The following AGBL1 variants were observed in gnomAD, a reference collection of about 807,000 sequenced individuals.
AGBL1 encodes cytosolic carboxypeptidase 4.
AGBL1 carries 130 observed loss-of-function variants against 118.9 expected under a neutral mutation model. The ratio of observed to expected loss-of-function variants is 1.09; its 90% CI spans 0.95 to 1.26. The LOEUF is 1.26. Ranked by LOEUF, AGBL1 falls within the 50% of genes most tolerant of loss-of-function variation. The pLI, the probability that AGBL1 is intolerant of heterozygous loss-of-function variation, is 0.00. For synonymous variants in AGBL1, 555 were observed against 478.9 expected, an observed-to-expected ratio of 1.16 and a Z score of -2.08; for missense variants, 1,584 against 1,298.1, an observed-to-expected ratio of 1.22 and a Z score of -3.38.
chr15:86,468,924 A>G (rs1180110345), intron 18 of AGBL1, among the ~76,000 whole-genome samples: 1 of 152,070 alleles, frequency 6.6e-6, no homozygotes, highest in Non-Finnish European at 1.5e-5. Flanking sequence ...CCTATGATTG[A>G]CTTTTTGTCT....
chr15:86,221,043 T>C (rs1231528184), intron 5 of AGBL1, among the ~76,000 whole-genome samples: 1 of 151,600 alleles, frequency 6.6e-6, no homozygotes, highest in Admixed American at 6.6e-5. Context: ...CTACTAAAAA[T>C]ACAAAAATTA....
rs200507511 is a variant in AGBL1, at chr15:86,222,944, T to C, written c.489-1970T>C. ...TTTCATGTGCATATAAATTATCTGT[T>C]AGAATAAAGATTCTTATTCAGCAGG... On this transcript the variant is annotated intron_variant, in intron 5 of 22. Coordinates refer to ENST00000614907, the MANE Select transcript of AGBL1 (RefSeq NM_001386094.1). Among the ~76,000 whole-genome samples the C allele has an allele frequency of 7.2e-5, 11 of 152,276 alleles. No homozygotes were observed. In the East Asian group the frequency reaches 1.2e-3, roughly 16 times the overall value.
intron 21 of AGBL1, among the ~76,000 whole-genome samples, chr15:86,570,588 T>G (rs562221461): frequency 1.3e-5 from 2 of 152,318 alleles, no homozygotes; most frequent in East Asian, 3.9e-4. Flanking sequence ...AGTGTTAATA[T>G]GTTAATGAGC....
At chr15:86,513,798 G>T (rs1419301865) in intron 18 of AGBL1, among the ~76,000 whole-genome samples, 1 of 151,652 alleles carries the variant, frequency 6.6e-6, no homozygotes, top group Non-Finnish European at 1.5e-5. Flanking sequence ...TTATTCTATG[G>T]GTTATAACAT....
rs536517345 is a variant in AGBL1 at position 86,528,586 on chromosome 15, C to T, written c.2685+5647C>T. Among the ~76,000 whole-genome samples the T allele has an allele frequency of 5.3e-3, 698 of 131,462 alleles. 11 individuals are homozygous for T. Among genetic ancestry groups the T allele is most frequent in the African/African-American group, 0.018 (635 of 34,524 alleles). 86.2% of individuals were successfully genotyped at this position (131,462 alleles called of 152,430 possible). A position where few individuals can be genotyped will look rare whatever the true frequency, so the allele number is the denominator to read the frequency against. ...AGGTAAACAAAGCAGCCGGGAAGCT[C>T]GAACTGGGTGGAGCCCACCACAGCT... On this transcript the variant is annotated intron_variant, in intron 19 of 22. Coordinates refer to ENST00000614907, the MANE Select transcript of AGBL1 (RefSeq NM_001386094.1).
intron 5 of AGBL1, among the ~76,000 whole-genome samples, chr15:86,211,207 A>T (rs892775874): frequency 6.6e-6 from 1 of 152,164 alleles, no homozygotes; most frequent in Admixed American, 6.5e-5. Context: ...TTCCTCTGGA[A>T]ACTTTGTCCC....
chr15:87,013,494 A>G (rs2081581926), intron 24 of AGBL1, among the ~76,000 whole-genome samples: 1 of 151,352 alleles, frequency 6.6e-6, no homozygotes, highest in African/African-American at 2.4e-5. Context: ...ACCTCATTAG[A>G]GCAAAATAAT....
chr15:86,358,291 T>A (rs2080753256), intron 17 of AGBL1, among the ~76,000 whole-genome samples: 2 of 152,124 alleles, frequency 1.3e-5, no homozygotes, highest in Admixed American at 1.3e-4. Context: ...TATTTGTCAT[T>A]CTGACTCTGG....
At chr15:86,558,202 A>G (rs2083762518) in intron 21 of AGBL1, among the ~76,000 whole-genome samples, 1 of 152,102 alleles carries the variant, frequency 6.6e-6, no homozygotes, top group African/African-American at 2.4e-5. Context: ...GCTGCGGTCC[A>G]CCCTCGAGAT....
At chr15:86,922,984 T>C (rs905858876) in intron 23 of AGBL1, among the ~76,000 whole-genome samples, 1 of 152,074 alleles carries the variant, frequency 6.6e-6, no homozygotes, top group African/African-American at 2.4e-5. Flanking sequence ...TGAGAGCATG[T>C]GAAAAATAAG....
intron 24 of AGBL1, among the ~76,000 whole-genome samples, chr15:86,993,901 C>G (rs770607568): frequency 6.6e-6 from 1 of 152,060 alleles, no homozygotes; most frequent in Admixed American, 6.6e-5. Context: ...GGACTCCTCT[C>G]GAAGGGTAGG....
At chr15:86,351,440 A>T (rs1374212419) in intron 17 of AGBL1, among the ~76,000 whole-genome samples, 1 of 152,116 alleles carries the variant, frequency 6.6e-6, no homozygotes, top group African/African-American at 2.4e-5. Context: ...CTATCCAAAG[A>T]ATTTATGTCA....
chr15:86,712,622 C>T (rs1486278159), intron 22 of AGBL1, among the ~76,000 whole-genome samples: 1 of 152,150 alleles, frequency 6.6e-6, no homozygotes, highest in African/African-American at 2.4e-5. Flanking sequence ...ATTTTGGATT[C>T]ACTGTGCAGC....
chr15:86,472,790 A>G (rs1380486808), intron 18 of AGBL1, among the ~76,000 whole-genome samples: 1 of 152,138 alleles, frequency 6.6e-6, no homozygotes, highest in Non-Finnish European at 1.5e-5. Context: ...GTGATGGCAC[A>G]GGCCTGTAAT....
At chr15:86,260,160 A>G (rs1186025977) in intron 9 of AGBL1, among the ~76,000 whole-genome samples, 1 of 152,244 alleles carries the variant, frequency 6.6e-6, no homozygotes, top group Non-Finnish European at 1.5e-5. Flanking sequence ...AAGAGCAAGG[A>G]AACTGCTCCA....
chr15:86,250,077 G>A (rs976544326), intron 7 of AGBL1, among the ~76,000 whole-genome samples: 1 of 152,168 alleles, frequency 6.6e-6, no homozygotes, highest in African/African-American at 2.4e-5. Context: ...GTATGATATG[G>A]AAAAGCAGTT....
intron 17 of AGBL1, among the ~76,000 whole-genome samples, chr15:86,327,736 G>C (rs902414669): frequency 2.6e-5 from 4 of 152,184 alleles, no homozygotes; most frequent in Admixed American, 2.0e-4. Context: ...ATAAAACTCA[G>C]AAAGGAATCA....
At chr15:86,659,816 G>C (rs2085512111) in intron 21 of AGBL1, among the ~76,000 whole-genome samples, 1 of 152,158 alleles carries the variant, frequency 6.6e-6, no homozygotes, top group South Asian at 2.1e-4. Context: ...TTGCCTGCTG[G>C]GGTTTCCAGC....
chr15:86,950,425 AAG>A (rs1201622447), intron 23 of AGBL1, among the ~76,000 whole-genome samples: 1 of 151,216 alleles, frequency 6.6e-6, no homozygotes, highest in Non-Finnish European at 1.5e-5. Context: ...GGAGTAGTAA[AAG>A]AGACATAATC....
Sources: gnomAD v4.1 joint callset for allele counts (sites outside exome capture counted in the v4.1 genomes callset) on GRCh38, gnomAD v4.1.1 for gene constraint, MANE v1.5 for transcripts, NCBI Gene and HGNC (gene_info 2026-07-23, HGNC 2026-07-21) for gene names.